SCRG1: variants seen among roughly 807,000 people sequenced by gnomAD.
SCRG1 encodes the protein stimulator of chondrogenesis 1, also known as scrapie-responsive protein 1.
A neutral mutation model predicts 7.7 loss-of-function variants in SCRG1; 3 were observed. That is an observed-to-expected ratio of 0.39 (90% confidence interval 0.18 to 1.01). The LOEUF (loss-of-function observed/expected upper bound fraction) is 1.01, where lower values mean the gene tolerates loss of function less well. SCRG1 is among the 50% of genes least tolerant of loss of function. The probability of loss-of-function intolerance (pLI) is 0.36; values close to 1 mark genes in which losing one functional copy is unlikely to be tolerated. For missense variants in SCRG1, 110 were observed against 117.2 expected (o/e 0.94, Z 0.28); for synonymous variants, 46 against 41.2 (o/e 1.12, Z -0.44).
chr4:173,474,325 G>A, the SCRG1 span, among the ~76,000 whole-genome samples: 1 of 152,098 alleles, frequency 6.6e-6, no homozygotes, highest in Non-Finnish European at 1.5e-5. Flanking sequence ...ATATTTTTGT[G>A]AGAAAATTAT....
rs111361518 is a variant in SCRG1 at position 173,388,526 on chromosome 4, A to G, written c.243-131T>C. 3,856 of 581,052 alleles carry G rather than the reference A, an allele frequency of 6.6e-3. 115 individuals are homozygous for G. Among genetic ancestry groups the G allele is most frequent in the African/African-American group, 0.065 (3,420 of 52,396 alleles). 36.0% of individuals were successfully genotyped at this position (581,052 alleles called of 1,614,324 possible). A position where few individuals can be genotyped will look rare whatever the true frequency, so the allele number is the denominator to read the frequency against. ...TATTCTTTTTAGGTGACTAAAATGTAAAGAGATGAGTGGGAGGACTTGCCA... is the reference window on the plus strand; with the variant it reads ...TATTCTTTTTAGGTGACTAAAATGTGAAGAGATGAGTGGGAGGACTTGCCA... On this transcript the variant is annotated intron_variant, in intron 2 of 2. Transcript: ENST00000296506.
chr4:173,455,946 C>A, the SCRG1 span, among the ~76,000 whole-genome samples: 1 of 151,988 alleles, frequency 6.6e-6, no homozygotes, highest in East Asian at 1.9e-4. Context: ...GGAAGATTTC[C>A]CCAGGAGCAT....
chr4:173,501,654 G>A, the SCRG1 span, among the ~76,000 whole-genome samples: 2 of 152,272 alleles, frequency 1.3e-5, no homozygotes, highest in South Asian at 4.1e-4. The surrounding 1 kb of genome is among the most constrained non-coding windows in gnomAD (Gnocchi z 5.1). Context: ...ACTGTCGGGC[G>A]GAGGTCACAG....
chr4:173,475,136 G>A, the SCRG1 span, among the ~76,000 whole-genome samples: 1 of 152,064 alleles, frequency 6.6e-6, no homozygotes, highest in East Asian at 1.9e-4. Context: ...AAAGGAATGT[G>A]ACAGAAAGAG....
chr4:173,502,965 G>T, the SCRG1 span, among the ~76,000 whole-genome samples: 26 of 152,182 alleles, frequency 1.7e-4, no homozygotes, highest in Non-Finnish European at 2.9e-5. This position sits in a 1 kb window ranked among gnomAD's most constrained non-coding sequence, Gnocchi z 4.6. Flanking sequence ...AGGGGGGTCT[G>T]GTGCACAGTG....
chr4:173,463,367 CG>C, the SCRG1 span, among the ~76,000 whole-genome samples: 1 of 152,110 alleles, frequency 6.6e-6, no homozygotes, highest in Non-Finnish European at 1.5e-5. Context: ...TCTGCCCCCC[CG>C]GGTTTAAGTG....
chr4:173,446,234 A>G, the SCRG1 span, among the ~76,000 whole-genome samples: 1 of 152,180 alleles, frequency 6.6e-6, no homozygotes, highest in Admixed American at 6.5e-5. Context: ...CTATAAGGTC[A>G]AAACCATTTT....
chr4:173,422,658 A>G, the SCRG1 span, among the ~76,000 whole-genome samples: 14 of 152,212 alleles, frequency 9.2e-5, no homozygotes, highest in African/African-American at 2.7e-4. Context: ...AGACCTTTGT[A>G]TAGTGGAATT....
chr4:173,479,418 G>GT, the SCRG1 span, among the ~76,000 whole-genome samples: 14 of 136,162 alleles, frequency 1.0e-4, no homozygotes, highest in Non-Finnish European at 1.9e-4. Context: ...AGCACAACCT[G>GT]TTTTTTTTGT....
At chr4:173,449,671 C>A in the SCRG1 span, among the ~76,000 whole-genome samples, 4 of 152,356 alleles carry the variant, frequency 2.6e-5, no homozygotes, top group South Asian at 8.3e-4. Flanking sequence ...GCAAGCCAGG[C>A]ACATGCCACA....
At chr4:173,455,154 C>T in the SCRG1 span, among the ~76,000 whole-genome samples, 2 of 152,000 alleles carry the variant, frequency 1.3e-5, no homozygotes, top group Non-Finnish European at 2.9e-5. Context: ...GGTGAGGCCA[C>T]TAGATCACAA....
At chr4:173,485,120 ATAATATATC>A in the SCRG1 span, among the ~76,000 whole-genome samples, 10 of 20,492 alleles carry the variant, frequency 4.9e-4, 2 homozygotes, top group African/African-American at 1.1e-3. Context: ...TATATAATAT[ATAATATATC>A]ATATATATTA....
chr4:173,482,740 C>A, the SCRG1 span, among the ~76,000 whole-genome samples: 4 of 151,362 alleles, frequency 2.6e-5, no homozygotes, highest in Non-Finnish European at 5.9e-5. Flanking sequence ...ACCACATGAG[C>A]CCAGGAGGTC....
At chr4:173,471,000 T>G in the SCRG1 span, among the ~76,000 whole-genome samples, 336 of 152,334 alleles carry the variant, frequency 2.2e-3, 1 homozygote, top group South Asian at 8.3e-3. Flanking sequence ...AAATGCCATA[T>G]GCTTTTTGAA....
chr4:173,484,960 T>A, the SCRG1 span, among the ~76,000 whole-genome samples: 4 of 44,100 alleles, frequency 9.1e-5, no homozygotes, highest in African/African-American at 1.7e-4. Flanking sequence ...TAATATTATA[T>A]ATATTATATA....
chr4:173,432,877 T>A, the SCRG1 span, among the ~76,000 whole-genome samples: 2 of 152,212 alleles, frequency 1.3e-5, no homozygotes, highest in Admixed American at 6.5e-5. Context: ...TACCCTGTTC[T>A]CTTAGATTTG....
chr4:173,468,849 A>T, the SCRG1 span: 1 of 152,160 alleles, frequency 6.6e-6, no homozygotes, highest in Non-Finnish European at 1.5e-5. Context: ...AACAAAGACC[A>T]TCAAATCAAG....
chr4:173,495,958 T>C, the SCRG1 span, among the ~76,000 whole-genome samples: 2 of 152,278 alleles, frequency 1.3e-5, no homozygotes, highest in Non-Finnish European at 2.9e-5. Context: ...AGGCTGAATT[T>C]TGAAGGACAA....
the SCRG1 span, among the ~76,000 whole-genome samples, chr4:173,415,663 T>C: frequency 6.6e-6 from 1 of 152,228 alleles, no homozygotes; most frequent in Non-Finnish European, 1.5e-5. Flanking sequence ...GTATTACAGG[T>C]ATTTCACCTT....
Sources: allele counts gnomAD v4.1 joint callset (sites outside exome capture counted in the v4.1 genomes callset), GRCh38; gene constraint gnomAD v4.1.1; non-coding constraint Gnocchi (gnomAD v3.1); transcripts MANE v1.5; gene names NCBI Gene and HGNC (gene_info 2026-07-23, HGNC 2026-07-21).